The following SNAP29 variants were observed in gnomAD, a reference collection of about 807,000 sequenced individuals.
SNAP29 encodes synaptosomal-associated protein 29.
Under a neutral mutation model 27.9 loss-of-function variants are expected in SNAP29, and 13 were observed. The observed-to-expected ratio is 0.47, with a 90% CI of 0.30 to 0.74. The LOEUF is 0.74. Ranked by LOEUF, SNAP29 falls within the 30% of genes least tolerant of loss-of-function variation. SNAP29 has a pLI of 0.06. For synonymous variants in SNAP29, 119 were observed against 127.1 expected (o/e 0.94, Z 0.43); for missense variants, 368 against 336.5 (o/e 1.09, Z -0.73).
chr22:20,888,074 C>T lies in SNAP29; in HGVS notation c.*238C>T. 1 of 518,392 alleles carries T rather than the reference C, an allele frequency of 1.9e-6. No homozygotes were observed. The highest frequency in any genetic ancestry group is 3.2e-5 in the Admixed American group (1 of 31,718). The allele number at this position is 518,392 out of a possible 1,614,324, so 32.1% of individuals were successfully genotyped here. A position where few individuals can be genotyped will look rare whatever the true frequency, so the allele number is the denominator to read the frequency against. On this transcript the variant is annotated 3_prime_UTR_variant, in exon 5 of 5. Coordinates refer to ENST00000215730, the MANE Select transcript of SNAP29 (RefSeq NM_004782.4). ...ATGCTTATTAGAGTTTTTGTCTGAGCACAGTAGCCTGGCCCTGCATATCTT... is the reference window on the plus strand; with the variant it reads ...ATGCTTATTAGAGTTTTTGTCTGAGTACAGTAGCCTGGCCCTGCATATCTT...
Position 20,887,814 on chromosome 22 carries a change from A to G in SNAP29, c.755A>G (p.Glu252Gly), listed in dbSNP as rs1405419131. 2 of 1,614,220 alleles carry G rather than the reference A, an allele frequency of 1.2e-6. No homozygotes were observed. Among genetic ancestry groups the G allele is most frequent in the Non-Finnish European group, 1.7e-6 (2 of 1,180,038 alleles). Residue 252 changes from glutamate to glycine, a missense_variant, in exon 5 of 5, where the codon GAA (glutamate) becomes GGA (glycine). Glu to Gly is a moderately conservative substitution (Grantham distance 98). Coordinates refer to ENST00000215730, the MANE Select transcript of SNAP29 (RefSeq NM_004782.4). ...DKLDVNIKST[E>G]RKVRQL is the part of the protein sequence containing the mutation. ...TTAGATGTCAACATAAAAAGCACAG[A>G]AAGAAAAGTTCGACAACTCTGAAGA...
rs1397769199 is a variant in SNAP29 at position 20,889,940 on chromosome 22, T to C, written c.*2104T>C. 4 of 232,150 alleles carry C rather than the reference T, an allele frequency of 1.7e-5. No homozygotes were observed. The highest frequency in any genetic ancestry group is 9.0e-5 in the African/African-American group (4 of 44,552). 14.4% of individuals were successfully genotyped at this position (232,150 alleles called of 1,614,324 possible). A position where few individuals can be genotyped will look rare whatever the true frequency, so the allele number is the denominator to read the frequency against. On this transcript the variant is annotated 3_prime_UTR_variant, in exon 5 of 5. Transcript: ENST00000215730. ...GAAGCCAGTCACCCGCCCTTCTCTG[T>C]TTTTTGGTTTTTTTTTTCTTAACCC...
In SNAP29 at chr22:20,888,710, G is replaced by C. The variant is rs1929083971; in HGVS notation, c.*874G>C. ...TATTGCACAGATGCAGCTGCACAAT[G>C]GTCTTCCTCCACCCCTCTGGGAATC... On this transcript the variant is annotated 3_prime_UTR_variant, in exon 5 of 5. Transcript: ENST00000215730. The C allele has an allele frequency of 6.6e-6, 1 of 152,320 alleles. No homozygotes were observed. Among genetic ancestry groups the C allele is most frequent in the Non-Finnish European group, 1.5e-5 (1 of 68,144 alleles). 9.4% of individuals were successfully genotyped at this position (152,320 alleles called of 1,614,324 possible).
chr22:20,890,085 A>G lies in SNAP29; in HGVS notation c.*2249A>G, dbSNP rs978822617. The stretch of plus-strand genomic sequence containing the variant: ...CCCTCTCGTTCTACGTCCTGTGCTG[A>G]GGGGACTGTCCGTAAGCTACAGGAC... On this transcript the variant is annotated 3_prime_UTR_variant, in exon 5 of 5. Transcript: ENST00000215730. 17 of 395,020 alleles carry G rather than the reference A, an allele frequency of 4.3e-5. No individual in the cohort carries two copies. Among genetic ancestry groups the G allele is most frequent in the Admixed American group, 2.7e-4 (6 of 22,586 alleles). The allele number at this position is 395,020 out of a possible 1,614,324, so 24.5% of individuals were successfully genotyped here.
At position 20,859,037 on chromosome 22, in the gene SNAP29, G is replaced by T. The variant is rs1011330501; in HGVS notation, c.-74G>T. On this transcript the variant is annotated 5_prime_UTR_variant, in exon 1 of 5. Transcript: ENST00000215730. ...CGCGACGACCGCGGGGTCGGCGGGC[G>T]GGGCGAGGCCCTGGACGGCGGCGGC... The T allele has an allele frequency of 4.3e-5, 61 of 1,403,198 alleles. No individual in the cohort carries two copies. The highest frequency in any genetic ancestry group is 7.2e-5 in the African/African-American group (5 of 69,074). 86.9% of individuals were successfully genotyped at this position (1,403,198 alleles called of 1,614,324 possible). A position where few individuals can be genotyped will look rare whatever the true frequency, so the allele number is the denominator to read the frequency against.
chr22:20,888,353 ACACTCT>A lies in SNAP29; in HGVS notation c.*519_*524del, dbSNP rs766278567. 1 of 65,580 alleles carries A rather than the reference ACACTCT, an allele frequency of 1.5e-5. No individual in the cohort carries two copies. The highest frequency in any genetic ancestry group is 3.3e-5 in the Non-Finnish European group (1 of 30,306). The allele number at this position is 65,580 out of a possible 1,614,324, so 4.1% of individuals were successfully genotyped here. ...CACACACACACACACACACACACAC[ACACTCT>A]CTGAGCACATTATCTGTGATTCTTT... On this transcript the variant is annotated 3_prime_UTR_variant, in exon 5 of 5. Coordinates refer to ENST00000215730, the MANE Select transcript of SNAP29 (RefSeq NM_004782.4).
chr22:20,859,082 T>G lies in SNAP29; in HGVS notation c.-29T>G. ...GGCGGCAGTGGGGCTCCTCCTTCTG[T>G]TTCCCAGACCGAGAGCCGCGCCGGC... On this transcript the variant is annotated 5_prime_UTR_variant, in exon 1 of 5. Coordinates refer to ENST00000215730, the MANE Select transcript of SNAP29 (RefSeq NM_004782.4). 2 of 1,556,858 alleles carry G rather than the reference T, an allele frequency of 1.3e-6. No individual in the cohort carries two copies. The highest frequency in any genetic ancestry group is 1.8e-6 in the Non-Finnish European group (2 of 1,135,818).
At chr22:20,881,028 T>C (rs1306523958) in intron 2 of SNAP29, 21 bp from the exon 3 acceptor site, 8 of 1,529,728 alleles carry the variant, frequency 5.2e-6, no homozygotes, top group Non-Finnish European at 7.3e-6. Context: ...CGTTTTCTTT[T>C]TTGTGAACTT....
intron 2 of SNAP29, among the ~76,000 whole-genome samples, chr22:20,879,720 G>A (rs1012652068): frequency 6.6e-6 from 1 of 151,296 alleles, no homozygotes; most frequent in South Asian, 2.1e-4. Flanking sequence ...GTGGGGGCCT[G>A]TAATCCCAGC....
At chr22:20,875,857 C>T (rs1218332975) in intron 2 of SNAP29, among the ~76,000 whole-genome samples, 4 of 150,344 alleles carry the variant, frequency 2.7e-5, no homozygotes, top group African/African-American at 9.8e-5. Flanking sequence ...ACATGGACGA[C>T]CAAAAAAAAA....
At position 20,883,549 on chromosome 22, in the gene SNAP29, A is replaced by G; in HGVS notation, c.599A>G (p.Gln200Arg). Residue 200 changes from glutamine to arginine, a missense_variant, in exon 4 of 5, where the codon CAG (glutamine) becomes CGG (arginine). Coordinates refer to ENST00000215730, the MANE Select transcript of SNAP29 (RefSeq NM_004782.4). ...AACCCACACCTTCGAGCCTATCACC[A>G]GAAGATCGACAGCAACCTAGGTAAG... is the stretch of plus-strand genomic sequence containing the variant. Reference protein sequence around the residue: ...PKNPHLRAYHQKIDSNLDELS... With the variant: ...PKNPHLRAYHRKIDSNLDELS... The G allele has an allele frequency of 6.2e-7, 1 of 1,612,734 alleles. No individual in the cohort carries two copies. Among genetic ancestry groups the G allele is most frequent in the Non-Finnish European group, 8.5e-7 (1 of 1,178,802 alleles).
intron 2 of SNAP29, among the ~76,000 whole-genome samples, chr22:20,880,545 G>C (rs1928865765): frequency 6.6e-6 from 1 of 151,924 alleles, no homozygotes; most frequent in African/African-American, 2.4e-5. Flanking sequence ...TACAAAAACA[G>C]GAGGTGAGCC....
chr22:20,872,202 ATCTC>A (rs1019783088), intron 2 of SNAP29, among the ~76,000 whole-genome samples: 1 of 151,064 alleles, frequency 6.6e-6, no homozygotes, highest in Non-Finnish European at 1.5e-5. Context: ...TTCCATAACC[ATCTC>A]TCTCTCTCTC....
rs777038935 is a variant in SNAP29, at chr22:20,859,207, G to C, written c.97G>C (p.Asp33His). 1.1e-5 allele frequency: 18 copies of C among 1,602,236 alleles called. No homozygotes were observed. The highest frequency in any genetic ancestry group is 1.4e-5 in the Non-Finnish European group (17 of 1,175,698). Residue 33 changes from aspartate (D) to histidine (H), a missense_variant, in exon 1 of 5, where the codon GAC becomes CAC. Asp to His is a moderately conservative substitution (Grantham distance 81). Transcript: ENST00000215730. ...APWRDARDLP[D>H]GPDAPADRQQ... ...TTGGAGGGACGCCCGAGACCTCCCC[G>C]ACGGGCCCGACGCGCCCGCGGACAG...
Position 20,874,363 on chromosome 22 carries a change from A to C in SNAP29, c.434+3830A>C, listed in dbSNP as rs1198414708. On this transcript the variant is annotated intron_variant, in intron 2 of 4. Coordinates refer to ENST00000215730, the MANE Select transcript of SNAP29 (RefSeq NM_004782.4). The stretch of plus-strand genomic sequence containing the variant: ...ACGAAAATTAGCCACACACACACAC[A>C]CACACACACACACACACACACACAC... Among the ~76,000 whole-genome samples, 224 of 50,892 alleles carry C rather than the reference A, an allele frequency of 4.4e-3. 2 individuals carry two copies. The highest frequency in any genetic ancestry group is 0.015 in the African/African-American group (164 of 10,988). The allele number at this position is 50,892 out of a possible 152,430, so 33.4% of individuals were successfully genotyped here. A position where few individuals can be genotyped will look rare whatever the true frequency, so the allele number is the denominator to read the frequency against.
chr22:20,882,046 T>G (rs1047825712), intron 3 of SNAP29, among the ~76,000 whole-genome samples: 4 of 151,934 alleles, frequency 2.6e-5, no homozygotes, highest in African/African-American at 9.6e-5. Context: ...GCTGCTGGCC[T>G]TGAAGATAGA....
At position 20,859,010 on chromosome 22, in the gene SNAP29, C is replaced by A. The variant is rs1422039888; in HGVS notation, c.-101C>A. ...CTGCGCGCGACGCGCGGAAGGAGTT[C>A]GCGCGACGACCGCGGGGTCGGCGGG... On this transcript the variant is annotated 5_prime_UTR_variant, in exon 1 of 5. Transcript: ENST00000215730. The A allele has an allele frequency of 7.4e-6, 10 of 1,359,034 alleles. No individual in the cohort carries two copies. The highest frequency in any genetic ancestry group is 1.0e-5 in the Non-Finnish European group (10 of 1,004,978). The allele number at this position is 1,359,034 out of a possible 1,614,324, so 84.2% of individuals were successfully genotyped here.
chr22:20,878,895 C>A (rs1041671311), intron 2 of SNAP29, among the ~76,000 whole-genome samples: 4 of 152,130 alleles, frequency 2.6e-5, no homozygotes, highest in Non-Finnish European at 5.9e-5. Flanking sequence ...AAGAGCTATC[C>A]CTGTCTACAG....
rs1929120635 is a variant in SNAP29, at chr22:20,890,372, T to C, written c.*2536T>C. On this transcript the variant is annotated 3_prime_UTR_variant, in exon 5 of 5. Transcript: ENST00000215730. ...TGGGATTTGGTACTGCAGACAGATTTTGATTTCCACAGTTGAGCTGGAAAC... is the reference window on the plus strand; with the variant it reads ...TGGGATTTGGTACTGCAGACAGATTCTGATTTCCACAGTTGAGCTGGAAAC... The C allele has an allele frequency of 2.5e-6, 1 of 398,654 alleles. No individual in the cohort carries two copies. Among genetic ancestry groups the C allele is most frequent in the Non-Finnish European group, 4.4e-6 (1 of 226,074 alleles). 24.7% of individuals were successfully genotyped at this position (398,654 alleles called of 1,614,324 possible).
Sources: gnomAD v4.1 joint callset for allele counts (sites outside exome capture counted in the v4.1 genomes callset) on GRCh38, gnomAD v4.1.1 for gene constraint, MANE v1.5 for transcripts, NCBI Gene and HGNC (gene_info 2026-07-23, HGNC 2026-07-21) for gene names.